LAMA2: variants seen among roughly 807,000 people sequenced by gnomAD.
The protein encoded by LAMA2 is laminin subunit alpha-2.
Under a neutral mutation model 364.8 loss-of-function variants are expected in LAMA2, and 269 were observed. The observed-to-expected ratio is 0.74, with a 90% CI of 0.67 to 0.82. The LOEUF (loss-of-function observed/expected upper bound fraction) is 0.82. Among genes scored for constraint, LAMA2 ranks in the 40% least tolerant of loss-of-function variants. The pLI, the probability that LAMA2 is intolerant of heterozygous loss-of-function variation, is 0.00. For missense variants in LAMA2, 3,807 were observed against 3,873.2 expected (o/e 0.98, Z 0.45); for synonymous variants, 1,379 against 1,370.6 (o/e 1.01, Z -0.14).
rs75386790 is a variant in LAMA2 at position 129,237,331 on chromosome 6, C to CTGTTGT, written c.1783-12763_1783-12758dup. Among the ~76,000 whole-genome samples the CTGTTGT allele has an allele frequency of 2.2e-3, 329 of 150,548 alleles. 2 individuals carry two copies. The highest frequency in any genetic ancestry group is 6.7e-3 in the African/African-American group (277 of 41,054). On this transcript the variant is annotated intron_variant, in intron 12 of 64. Transcript: ENST00000421865. ...ACAAACGTTGTTATACATTGTTTTT[C>CTGTTGT]TGTTGTTGTTGTTGTTGTTGTTGGA...
chr6:129,498,542 A>C (rs1785374081), intron 58 of LAMA2, among the ~76,000 whole-genome samples: 5 of 152,224 alleles, frequency 3.3e-5, no homozygotes, highest in Admixed American at 3.3e-4. Flanking sequence ...AAACATCTTG[A>C]GTAGGGCTTT....
intron 30 of LAMA2, among the ~76,000 whole-genome samples, chr6:129,343,796 C>T (rs1776397477): frequency 6.6e-6 from 1 of 152,042 alleles, no homozygotes; most frequent in Non-Finnish European, 1.5e-5. Context: ...GCACAAAACA[C>T]CACACTTAAT....
chr6:129,235,114 C>T (rs1167686907), intron 12 of LAMA2, among the ~76,000 whole-genome samples: 1 of 152,100 alleles, frequency 6.6e-6, no homozygotes, highest in Non-Finnish European at 1.5e-5. Flanking sequence ...TTTACATTCA[C>T]TAGTGAATGC....
chr6:129,166,172 A>C (rs1779731765), intron 9 of LAMA2, among the ~76,000 whole-genome samples: 2 of 152,224 alleles, frequency 1.3e-5, no homozygotes, highest in African/African-American at 2.4e-5. Context: ...GTAGTCATGA[A>C]TTAATGAACA....
At chr6:129,233,919 G>T (rs1784828334) in intron 12 of LAMA2, among the ~76,000 whole-genome samples, 1 of 152,196 alleles carries the variant, frequency 6.6e-6, no homozygotes, top group South Asian at 2.1e-4. Flanking sequence ...AGAACTGAAA[G>T]TTAAGAAGAT....
chr6:128,964,130 G>A (rs183204158), intron 1 of LAMA2, among the ~76,000 whole-genome samples: 24 of 152,044 alleles, frequency 1.6e-4, no homozygotes, highest in Non-Finnish European at 2.7e-4. Flanking sequence ...AATTGTTGTC[G>A]ACTGAAATGG....
intron 12 of LAMA2, among the ~76,000 whole-genome samples, chr6:129,236,776 CATCTT>C (rs1394246849): frequency 6.6e-6 from 1 of 152,014 alleles, no homozygotes; most frequent in Non-Finnish European, 1.5e-5. Flanking sequence ...TATTTTTCCT[CATCTT>C]ATACAAGTGG....
intron 28 of LAMA2, among the ~76,000 whole-genome samples, chr6:129,323,776 C>G (rs2114521047): frequency 6.6e-6 from 1 of 152,268 alleles, no homozygotes; most frequent in Admixed American, 6.5e-5. Flanking sequence ...GTGTGCAGCT[C>G]TCTGCAGTAA....
rs1214826895 is a variant in LAMA2, at chr6:128,962,185, T to TATATACAC, written c.112+78829_112+78830insTATACACA. ...ATATATATATATATATATATATATA[T>TATATACAC]ACACACATACACACACACATACACA... On this transcript the variant is annotated intron_variant, in intron 1 of 64. Coordinates refer to ENST00000421865, the MANE Select transcript of LAMA2 (RefSeq NM_000426.4). Among the ~76,000 whole-genome samples, 37 of 103,930 alleles carry TATATACAC rather than the reference T, an allele frequency of 3.6e-4. 1 individual carries two copies. The highest frequency in any genetic ancestry group is 9.3e-4 in the African/African-American group (25 of 26,972). The allele number at this position is 103,930 out of a possible 152,430, so 68.2% of individuals were successfully genotyped here.
At chr6:129,336,458 ACTG>A (rs1775962211) in intron 29 of LAMA2, among the ~76,000 whole-genome samples, 5 of 152,158 alleles carry the variant, frequency 3.3e-5, no homozygotes, top group Admixed American at 3.3e-4. Flanking sequence ...AAAAATAATA[ACTG>A]CTATTATGTG....
rs1781956319 is a variant in LAMA2, at chr6:129,438,728, T to C, written c.6051T>C (p.Asn2017=). 1 of 1,604,336 alleles carries C rather than the reference T, an allele frequency of 6.2e-7. No homozygotes were observed. Among genetic ancestry groups the C allele is most frequent in the Non-Finnish European group, 8.5e-7 (1 of 1,171,442 alleles). Residue 2017 remains asparagine, a synonymous_variant, in exon 42 of 65, where the codon AAT becomes AAC. Coordinates refer to ENST00000421865, the MANE Select transcript of LAMA2 (RefSeq NM_000426.4). ...ARNGDLLRTL[N]DTLGKLSAIP... is the part of the protein sequence containing the mutation. ...ATGGGGATCTCTTGAGAACTTTGAA[T>C]GACACTTTGGGAAAGTTATCAGCTA... is the stretch of plus-strand genomic sequence containing the variant.
At chr6:129,388,301 G>A (rs1779138439) in intron 35 of LAMA2, among the ~76,000 whole-genome samples, 1 of 151,854 alleles carries the variant, frequency 6.6e-6, no homozygotes, top group African/African-American at 2.4e-5. Context: ...TGGTTGACGG[G>A]TTGATAGGTG....
chr6:129,192,860 C>T lies in LAMA2; in HGVS notation c.1782+7C>T, dbSNP rs372545271. ...TCCCTATCTGGGAAACAAAGTAAGT[C>T]CACGCTTGCTTCCCGCTATTCTGCT... On this transcript the variant is annotated splice_region_variant and intron_variant, in intron 12 of 64. Coordinates refer to ENST00000421865, the MANE Select transcript of LAMA2 (RefSeq NM_000426.4). The T allele has an allele frequency of 1.8e-5, 29 of 1,613,026 alleles. No homozygotes were observed. Among genetic ancestry groups the T allele is most frequent in the Non-Finnish European group, 2.4e-5 (28 of 1,179,434 alleles).
At chr6:129,247,063 A>C (rs1785800653) in intron 12 of LAMA2, among the ~76,000 whole-genome samples, 1 of 152,192 alleles carries the variant, frequency 6.6e-6, no homozygotes, top group Non-Finnish European at 1.5e-5. Context: ...TGAAGGAAAA[A>C]TAGAAGGAAA....
rs1236006856 is a variant in LAMA2, at chr6:129,297,942, TTAAAGGAAG to T, written c.3037+78_3037+86del. The T allele has an allele frequency of 8.9e-6, 11 of 1,229,300 alleles. No homozygotes were observed. The Admixed American group carries it at 1.7e-4, about 19-fold the overall frequency. The allele number at this position is 1,229,300 out of a possible 1,614,324, so 76.1% of individuals were successfully genotyped here. On this transcript the variant is annotated intron_variant, in intron 21 of 64. Coordinates refer to ENST00000421865, the MANE Select transcript of LAMA2 (RefSeq NM_000426.4). ...CTGACTTCTGTAACAGTTTGTTCTT[TTAAAGGAAG>T]CACAGATTGATACAACGTATTTAAC...
chr6:129,386,073 CT>C (rs974593917), intron 35 of LAMA2, among the ~76,000 whole-genome samples: 43 of 148,650 alleles, frequency 2.9e-4, no homozygotes, highest in East Asian at 3.9e-4. Flanking sequence ...ATTTATACAA[CT>C]TTTTTTTTTA....
At chr6:129,321,645 AC>A (rs1485069445) in intron 28 of LAMA2, among the ~76,000 whole-genome samples, 1 of 152,210 alleles carries the variant, frequency 6.6e-6, no homozygotes, top group African/African-American at 2.4e-5. Flanking sequence ...TCATCACAGC[AC>A]CTGGTGTGTA....
intron 10 of LAMA2, among the ~76,000 whole-genome samples, chr6:129,180,143 A>G (rs1172880946): frequency 6.6e-6 from 1 of 152,150 alleles, no homozygotes; most frequent in African/African-American, 2.4e-5. Context: ...ACATGATTTG[A>G]CATAGATATG....
chr6:129,247,136 T>C (rs1025253014), intron 12 of LAMA2, among the ~76,000 whole-genome samples: 4 of 152,182 alleles, frequency 2.6e-5, no homozygotes, highest in African/African-American at 7.2e-5. Context: ...CAGAGTGATA[T>C]CTTAAGCAAT....
Sources: gnomAD v4.1 joint callset for allele counts (sites outside exome capture counted in the v4.1 genomes callset) on GRCh38, gnomAD v4.1.1 for gene constraint, MANE v1.5 for transcripts, NCBI Gene and HGNC (gene_info 2026-07-23, HGNC 2026-07-21) for gene names.